Variants in TMEM178B observed in about 807,000 individuals in gnomAD.
TMEM178B encodes the protein transmembrane protein 178B.
TMEM178B carries 5 observed loss-of-function variants against 31.0 expected under a neutral mutation model. The observed-to-expected ratio is 0.16, with a 90% confidence interval of 0.08 to 0.34. TMEM178B has a LOEUF of 0.34. Ranked by LOEUF, TMEM178B falls within the 10% of genes least tolerant of loss-of-function variation. The probability of loss-of-function intolerance (pLI) is 1.00; values close to 1 mark genes in which losing one functional copy is unlikely to be tolerated. For synonymous variants in TMEM178B, 164 were observed against 164.0 expected, an observed-to-expected ratio of 1.00 and a Z score of 0.00; for missense variants, 275 against 400.3, an observed-to-expected ratio of 0.69 and a Z score of 2.67.
chr7:141,244,024 G>A (rs1797686326), intron 2 of TMEM178B, among the ~76,000 whole-genome samples: 1 of 152,148 alleles, frequency 6.6e-6, no homozygotes, highest in Non-Finnish European at 1.5e-5. Context: ...GGACATTTTG[G>A]GGGAGCGTTT....
chr7:141,305,389 A>G (rs968156154), intron 2 of TMEM178B, among the ~76,000 whole-genome samples: 19 of 152,220 alleles, frequency 1.2e-4, no homozygotes, highest in Non-Finnish European at 2.4e-4. Context: ...CTTGTAGTCA[A>G]TGCACCACCT....
intron 2 of TMEM178B, among the ~76,000 whole-genome samples, chr7:141,283,217 T>C (rs1256455732): frequency 6.6e-6 from 1 of 152,192 alleles, no homozygotes; most frequent in Non-Finnish European, 1.5e-5. Context: ...GGGAGGTTGG[T>C]TCAAAATGCC....
chr7:141,255,085 G>A (rs7792865), intron 2 of TMEM178B, among the ~76,000 whole-genome samples: 65,972 of 152,084 alleles, frequency 0.43, 14,547 homozygotes, highest in East Asian at 0.67. Context: ...AGGTCAATGG[G>A]AAGATGGGAC....
chr7:141,482,100 A>G (rs1802485831), downstream of TMEM178B, among the ~76,000 whole-genome samples: 1 of 152,194 alleles, frequency 6.6e-6, no homozygotes, highest in Non-Finnish European at 1.5e-5. Flanking sequence ...TCTCAAATGA[A>G]TTATGCAGCC....
chr7:141,333,959 C>T (rs548439938), intron 2 of TMEM178B, among the ~76,000 whole-genome samples: 1 of 152,234 alleles, frequency 6.6e-6, no homozygotes, highest in Non-Finnish European at 1.5e-5. Flanking sequence ...CACCTGCCCA[C>T]CTGCAGCTCA....
At chr7:141,185,054 T>C (rs1796587307) in intron 1 of TMEM178B, among the ~76,000 whole-genome samples, 1 of 152,122 alleles carries the variant, frequency 6.6e-6, no homozygotes, top group African/African-American at 2.4e-5. Context: ...GATGGTGGTG[T>C]GGCTCACTTC....
chr7:141,488,538 C>T, the TMEM178B span, among the ~76,000 whole-genome samples: 1 of 151,964 alleles, frequency 6.6e-6, no homozygotes, highest in Non-Finnish European at 1.5e-5. Flanking sequence ...CTCCCGGGTT[C>T]AAGTGATTCT....
At chr7:141,180,628 G>C (rs1796512268) in intron 1 of TMEM178B, among the ~76,000 whole-genome samples, 1 of 152,130 alleles carries the variant, frequency 6.6e-6, no homozygotes. Context: ...TTCACTTGTA[G>C]ACTTATTGTA....
At chr7:141,381,419 T>C (rs1322846201) in intron 2 of TMEM178B, among the ~76,000 whole-genome samples, 1 of 152,220 alleles carries the variant, frequency 6.6e-6, no homozygotes, top group African/African-American at 2.4e-5. Flanking sequence ...GAGAACTAAG[T>C]GTTGTGTGAA....
At chr7:141,435,025 T>G (rs376536394) in intron 2 of TMEM178B, among the ~76,000 whole-genome samples, 37 of 152,356 alleles carry the variant, frequency 2.4e-4, no homozygotes, top group African/African-American at 8.4e-4. Flanking sequence ...TTCTCATGAT[T>G]TTGGTATAAA....
chr7:141,292,424 G>C (rs217022), intron 2 of TMEM178B, among the ~76,000 whole-genome samples: 15,291 of 152,112 alleles, frequency 0.1, 1,160 homozygotes, highest in African/African-American at 0.2. Context: ...CATTCCTCAA[G>C]CACCTTTCAT....
chr7:141,137,333 T>C (rs1210284464), intron 1 of TMEM178B, among the ~76,000 whole-genome samples: 2 of 152,068 alleles, frequency 1.3e-5, no homozygotes, highest in East Asian at 1.9e-4. Flanking sequence ...AACAGATGAA[T>C]AGATAAAGGA....
At chr7:141,290,539 A>G (rs1429470239) in intron 2 of TMEM178B, among the ~76,000 whole-genome samples, 4 of 84,418 alleles carry the variant, frequency 4.7e-5, no homozygotes, top group East Asian at 2.0e-4. Flanking sequence ...ACACATGTGC[A>G]CACACACATA....
At chr7:141,345,934 G>T (rs1443250103) in intron 2 of TMEM178B, among the ~76,000 whole-genome samples, 1 of 152,054 alleles carries the variant, frequency 6.6e-6, no homozygotes, top group Non-Finnish European at 1.5e-5. Flanking sequence ...CTTTTGTTTT[G>T]TGGCATATGA....
intron 2 of TMEM178B, among the ~76,000 whole-genome samples, chr7:141,299,809 G>A (rs925252402): frequency 4.6e-5 from 7 of 152,130 alleles, no homozygotes; most frequent in African/African-American, 1.7e-4. Flanking sequence ...TTTTGGAAAT[G>A]GGGTCTTGCT....
chr7:141,323,850 A>G (rs990423573), intron 2 of TMEM178B, among the ~76,000 whole-genome samples: 1 of 152,156 alleles, frequency 6.6e-6, no homozygotes, highest in African/African-American at 2.4e-5. Flanking sequence ...ATGGAAAGGG[A>G]TATGAAGTAT....
intron 2 of TMEM178B, among the ~76,000 whole-genome samples, chr7:141,342,511 A>G (rs1167058162): frequency 1.3e-5 from 2 of 152,232 alleles, no homozygotes; most frequent in African/African-American, 4.8e-5. Flanking sequence ...TTCAAGATCC[A>G]GCTCCTCCTT....
chr7:141,084,557 G>A (rs540976147), intron 1 of TMEM178B, among the ~76,000 whole-genome samples: 1 of 152,250 alleles, frequency 6.6e-6, no homozygotes, highest in East Asian at 1.9e-4. Context: ...CCATCTGGGA[G>A]CCGTCAGCGC....
chr7:141,215,780 T>TCC lies in TMEM178B; in HGVS notation c.496+3076_496+3077insCC, dbSNP rs1563120237. 3.6e-3 allele frequency among the ~76,000 whole-genome samples: 128 copies of TCC among 35,602 alleles called. 1 individual carries two copies. In the East Asian group the frequency reaches 0.071, roughly 20 times the overall value. The allele number at this position is 35,602 out of a possible 152,430, so 23.4% of individuals were successfully genotyped here. A position where few individuals can be genotyped will look rare whatever the true frequency, so the allele number is the denominator to read the frequency against. ...TTAAATTTGAATTATATACTTTCCT[T>TCC]TCTTTCTTTCTTTCTTTCTTTCTTT... On this transcript the variant is annotated intron_variant, in intron 2 of 3. Coordinates refer to ENST00000565468, the MANE Select transcript of TMEM178B (RefSeq NM_001195278.2).
Sources: allele counts gnomAD v4.1 joint callset (sites outside exome capture counted in the v4.1 genomes callset), GRCh38; gene constraint gnomAD v4.1.1; transcripts MANE v1.5; gene names NCBI Gene and HGNC (gene_info 2026-07-23, HGNC 2026-07-21).